Variants in KCNAB1 observed in about 807,000 individuals in gnomAD.
The protein encoded by KCNAB1 is voltage-gated potassium channel subunit beta-1.
A neutral mutation model predicts 64.6 loss-of-function variants in KCNAB1; 35 were observed. The observed-to-expected ratio is 0.54, with a 90% CI of 0.41 to 0.72. KCNAB1 has a LOEUF of 0.72. Among genes scored for constraint, KCNAB1 ranks in the 30% least tolerant of loss-of-function variants. KCNAB1 has a pLI of 0.00. For missense variants in KCNAB1, 401 were observed against 512.9 expected, an observed-to-expected ratio of 0.78 and a Z score of 2.11; for synonymous variants, 177 against 183.8, an observed-to-expected ratio of 0.96 and a Z score of 0.30.
chr3:156,257,217 T>G (rs984797639), intron 1 of KCNAB1, among the ~76,000 whole-genome samples: 1 of 152,178 alleles, frequency 6.6e-6, no homozygotes, highest in Non-Finnish European at 1.5e-5. Context: ...CTAGATTTGG[T>G]TTTGTTTTTA....
chr3:156,204,054 G>T (rs1197240656), intron 1 of KCNAB1, among the ~76,000 whole-genome samples: 5 of 152,174 alleles, frequency 3.3e-5, no homozygotes. Flanking sequence ...CTGGGCACAG[G>T]GTGAAAAGAA....
intron 1 of KCNAB1, among the ~76,000 whole-genome samples, chr3:156,413,023 A>G (rs1363647332): frequency 6.6e-6 from 1 of 152,214 alleles, no homozygotes; most frequent in Non-Finnish European, 1.5e-5. Flanking sequence ...TAAAAAGTAG[A>G]GTCAAGCCTG....
intron 13 of KCNAB1, among the ~76,000 whole-genome samples, chr3:156,533,547 T>C (rs1718847906): frequency 1.3e-5 from 2 of 152,158 alleles, no homozygotes; most frequent in South Asian, 2.1e-4. Flanking sequence ...TCATGCTACA[T>C]GTAACAAGTC....
intron 1 of KCNAB1, among the ~76,000 whole-genome samples, chr3:156,196,621 G>A (rs1308337232): frequency 6.6e-6 from 1 of 152,008 alleles, no homozygotes; most frequent in African/African-American, 2.4e-5. Context: ...GTCTATCATT[G>A]GTGTATAGGA....
chr3:156,279,029 A>G (rs1719528572), intron 1 of KCNAB1, among the ~76,000 whole-genome samples: 1 of 151,884 alleles, frequency 6.6e-6, no homozygotes, highest in Non-Finnish European at 1.5e-5. Context: ...GGTTAGTTAC[A>G]TATGTATACA....
At chr3:156,312,864 C>G (rs1490472310) in intron 1 of KCNAB1, among the ~76,000 whole-genome samples, 1 of 152,106 alleles carries the variant, frequency 6.6e-6, no homozygotes, top group African/African-American at 2.4e-5. Flanking sequence ...GTGGAAATTT[C>G]TCTCAAGGCA....
intron 1 of KCNAB1, among the ~76,000 whole-genome samples, chr3:156,167,691 A>G (rs1711673796): frequency 6.6e-6 from 1 of 152,234 alleles, no homozygotes; most frequent in Non-Finnish European, 1.5e-5. Flanking sequence ...AACAACAACA[A>G]CAAAAATAAG....
chr3:156,219,325 T>A (rs1432713383), intron 1 of KCNAB1, among the ~76,000 whole-genome samples: 1 of 151,188 alleles, frequency 6.6e-6, no homozygotes, highest in African/African-American at 2.4e-5. Flanking sequence ...CCCTGGAAAG[T>A]CTCAGCAATA....
rs965732575 is a variant in KCNAB1 at position 156,536,784 on chromosome 3, T to A, written c.*37T>A. The A allele has an allele frequency of 2.1e-6, 3 of 1,403,264 alleles. No individual in the cohort carries two copies. Among genetic ancestry groups the A allele is most frequent in the Non-Finnish European group, 3.0e-6 (3 of 988,326 alleles). The allele number at this position is 1,403,264 out of a possible 1,614,324, so 86.9% of individuals were successfully genotyped here. On this transcript the variant is annotated 3_prime_UTR_variant, in exon 14 of 14. Coordinates refer to ENST00000490337, the MANE Select transcript of KCNAB1 (RefSeq NM_172160.3). ...AACCACAGAAGCTGCATGGTTAAAATAGCGGCCTGTGCCCAGTACAGAAAG... is the reference window on the plus strand; with the variant it reads ...AACCACAGAAGCTGCATGGTTAAAAAAGCGGCCTGTGCCCAGTACAGAAAG...
chr3:156,377,513 C>T (rs993379772), intron 1 of KCNAB1, among the ~76,000 whole-genome samples: 2 of 152,126 alleles, frequency 1.3e-5, no homozygotes, highest in Non-Finnish European at 2.9e-5. Flanking sequence ...GAGGAGAGGG[C>T]ACTGAGGAAA....
intron 8 of KCNAB1, among the ~76,000 whole-genome samples, chr3:156,481,876 G>T (rs1714835680): frequency 6.6e-6 from 1 of 152,154 alleles, no homozygotes; most frequent in Admixed American, 6.6e-5. Flanking sequence ...TGTGGTTACA[G>T]CACCTCACTC....
At chr3:156,474,708 G>T (rs1714206858) in intron 7 of KCNAB1, 26 bp from the exon 8 acceptor site, 1 of 1,567,142 alleles carries the variant, frequency 6.4e-7, no homozygotes, top group Admixed American at 1.7e-5. Context: ...TAGATTTTGG[G>T]GTTTGTTTCC....
At chr3:156,224,249 G>A (rs575044389) in intron 1 of KCNAB1, among the ~76,000 whole-genome samples, 13 of 152,198 alleles carry the variant, frequency 8.5e-5, no homozygotes, top group East Asian at 7.7e-4. Context: ...ACGCCCACCC[G>A]GAACTCGTGC....
chr3:156,293,848 C>T (rs563031722), intron 1 of KCNAB1, among the ~76,000 whole-genome samples: 1 of 152,374 alleles, frequency 6.6e-6, no homozygotes, highest in East Asian at 1.9e-4. Flanking sequence ...CACAGTGCTG[C>T]TCTGCATGCA....
chr3:156,254,050 A>C (rs1353058459), intron 1 of KCNAB1, among the ~76,000 whole-genome samples: 1 of 152,202 alleles, frequency 6.6e-6, no homozygotes, highest in Non-Finnish European at 1.5e-5. Context: ...GTAAGGACAC[A>C]ATGCCCTCTG....
rs1719101642 is a variant in KCNAB1, at chr3:156,537,031, G to A, written c.*284G>A. ...TGCAATGGGAAGAATATGGGGGCCA[G>A]GGGGTGTGGTACTACCTTCAGGCAT... is the stretch of plus-strand genomic sequence containing the variant. On this transcript the variant is annotated 3_prime_UTR_variant, in exon 14 of 14. Coordinates refer to ENST00000490337, the MANE Select transcript of KCNAB1 (RefSeq NM_172160.3). The A allele has an allele frequency of 2.1e-6, 1 of 469,990 alleles. No individual in the cohort carries two copies. The highest frequency in any genetic ancestry group is 3.2e-5 in the East Asian group (1 of 31,254). 29.1% of individuals were successfully genotyped at this position (469,990 alleles called of 1,614,324 possible). A position where few individuals can be genotyped will look rare whatever the true frequency, so the allele number is the denominator to read the frequency against.
chr3:156,121,632 A>G (rs1482631475), intron 1 of KCNAB1, among the ~76,000 whole-genome samples: 2 of 152,236 alleles, frequency 1.3e-5, no homozygotes, highest in African/African-American at 4.8e-5. Flanking sequence ...TTTGTGCAAA[A>G]AATCTCTTAG....
In KCNAB1 at chr3:156,537,191, G is replaced by C; in HGVS notation, c.*444G>C. Reference sequence around the variant, plus strand: ...GAAAGGAATTGAGAGATTTTTCTTAGTAAATAGATTATTGTTAAGTAAATA... The same window carrying C: ...GAAAGGAATTGAGAGATTTTTCTTACTAAATAGATTATTGTTAAGTAAATA... On this transcript the variant is annotated 3_prime_UTR_variant, in exon 14 of 14. Transcript: ENST00000490337. 2.6e-6 allele frequency: 1 copy of C among 388,168 alleles called. No homozygotes were observed. The highest frequency in any genetic ancestry group is 4.5e-6 in the Non-Finnish European group (1 of 220,228). The allele number at this position is 388,168 out of a possible 1,614,324, so 24.0% of individuals were successfully genotyped here. A position where few individuals can be genotyped will look rare whatever the true frequency, so the allele number is the denominator to read the frequency against.
Position 156,399,082 on chromosome 3 carries a change from T to A in KCNAB1, c.276-22534T>A, listed in dbSNP as rs1713701303. 1.3e-5 allele frequency among the ~76,000 whole-genome samples: 2 copies of A among 152,198 alleles called. 1 individual carries two copies. The highest frequency in any genetic ancestry group is 4.8e-5 in the African/African-American group (2 of 41,462). ...GCCTTAGCAGGTGTTTGGGGCAACA[T>A]TTGGGCATTTTTTACTTAGCTTACA... On this transcript the variant is annotated intron_variant, in intron 1 of 13. Transcript: ENST00000490337.
Sources: allele counts gnomAD v4.1 joint callset (sites outside exome capture counted in the v4.1 genomes callset), GRCh38; gene constraint gnomAD v4.1.1; transcripts MANE v1.5; gene names NCBI Gene and HGNC (gene_info 2026-07-23, HGNC 2026-07-21).